The following THSD7A variants were observed in gnomAD, a reference collection of about 807,000 sequenced individuals.
THSD7A encodes thrombospondin type 1 domain containing 7A, also known as thrombospondin type-1 domain-containing protein 7A.
THSD7A carries 96 observed loss-of-function variants against 231.3 expected under a neutral mutation model. That is an observed-to-expected ratio of 0.41 (90% confidence interval 0.35 to 0.49). THSD7A has a LOEUF of 0.49. Ranked by LOEUF, THSD7A falls within the 20% of genes least tolerant of loss-of-function variation. The pLI is 0.05. For missense variants in THSD7A, 2,290 were observed against 2,070.2 expected (o/e 1.11, Z -2.06); for synonymous variants, 940 against 743.3 (o/e 1.26, Z -4.30).
chr7:11,671,131 C>T (rs909483753), intron 1 of THSD7A, among the ~76,000 whole-genome samples: 6 of 152,164 alleles, frequency 3.9e-5, no homozygotes, highest in Admixed American at 2.0e-4. Flanking sequence ...AATAGACCTT[C>T]AAGGGTAAAC....
chr7:11,573,328 C>G (rs576214654), intron 4 of THSD7A, among the ~76,000 whole-genome samples: 1 of 152,336 alleles, frequency 6.6e-6, no homozygotes, highest in South Asian at 2.1e-4. Flanking sequence ...GGACTCTGTC[C>G]TTTCCCTCCA....
chr7:11,773,081 G>T (rs1407323257), intron 1 of THSD7A, among the ~76,000 whole-genome samples: 3 of 152,086 alleles, frequency 2.0e-5, no homozygotes, highest in Non-Finnish European at 4.4e-5. Context: ...TAAGAATTTG[G>T]TATATAATAA....
chr7:11,492,097 T>C (rs1219409627), intron 6 of THSD7A, among the ~76,000 whole-genome samples: 1 of 152,064 alleles, frequency 6.6e-6, no homozygotes, highest in Non-Finnish European at 1.5e-5. Flanking sequence ...TGTTGTGTTT[T>C]AGAGACATTC....
intron 1 of THSD7A, among the ~76,000 whole-genome samples, chr7:11,755,133 G>A (rs375141189): frequency 1.3e-5 from 2 of 151,950 alleles, no homozygotes; most frequent in Non-Finnish European, 2.9e-5. Context: ...TGGTCTCTAG[G>A]GGGCGGAGGA....
At chr7:11,455,182 T>C (rs1052799446) in intron 11 of THSD7A, among the ~76,000 whole-genome samples, 3 of 152,040 alleles carry the variant, frequency 2.0e-5, no homozygotes, top group Non-Finnish European at 4.4e-5. Context: ...GATGACTGTC[T>C]GCAAGTCAGG....
rs572493535 is a variant in THSD7A, at chr7:11,460,720, G to T, written c.2547C>A (p.Ser849Arg). ...GTGCTCCAGGGCTGTCTTGTTGCAC[G>T]CTCCAAGGGACTAATTGGCATCTGC... ...KWRRCQLVPWSVQQDSPGAQE... is the reference protein window; with the variant it reads ...KWRRCQLVPWRVQQDSPGAQE... The change falls in exon 11 of 28, where the codon AGC (serine) becomes AGA (arginine). Residue 849 changes from serine (S) to arginine (R), a missense_variant. By Grantham distance (110) the Ser-to-Arg change is moderately radical. Transcript: ENST00000423059. 84 of 1,612,540 alleles carry T rather than the reference G, an allele frequency of 5.2e-5. No homozygotes were observed. Among genetic ancestry groups the T allele is most frequent in the Non-Finnish European group, 5.1e-6 (6 of 1,179,350 alleles).
At chr7:11,403,548 T>C (rs1330077555) in intron 22 of THSD7A, among the ~76,000 whole-genome samples, 1 of 152,172 alleles carries the variant, frequency 6.6e-6, no homozygotes, top group Non-Finnish European at 1.5e-5. Flanking sequence ...ACTGCTAAAG[T>C]TAAAAAAATT....
At chr7:11,488,010 C>G (rs1786732094) in intron 6 of THSD7A, among the ~76,000 whole-genome samples, 1 of 151,972 alleles carries the variant, frequency 6.6e-6, no homozygotes, top group South Asian at 2.1e-4. Flanking sequence ...CAAAGCACCT[C>G]CCCTGTAAAA....
Position 11,490,950 on chromosome 7 carries a change from C to T in THSD7A, c.1823-8968G>A, listed in dbSNP as rs553219883. ...TGTTCAATATGACAGCAGCATGAGG[C>T]TATTTTCATCACTCATCTGTGGAGG... is the stretch of plus-strand genomic sequence containing the variant. On this transcript the variant is annotated intron_variant, in intron 6 of 27. Coordinates refer to ENST00000423059, the MANE Select transcript of THSD7A (RefSeq NM_015204.3). Among the ~76,000 whole-genome samples the T allele has an allele frequency of 1.6e-4, 24 of 152,194 alleles. No individual in the cohort carries two copies. In the South Asian group the frequency reaches 3.1e-3, roughly 20 times the overall value.
chr7:11,545,154 A>G (rs6460821), intron 4 of THSD7A, among the ~76,000 whole-genome samples: 26 of 152,026 alleles, frequency 1.7e-4, no homozygotes, highest in Non-Finnish European at 2.9e-4. Context: ...GCAAATTAAC[A>G]TAAGTAATGA....
chr7:11,710,548 C>T (rs1447241719), intron 1 of THSD7A, among the ~76,000 whole-genome samples: 2 of 150,776 alleles, frequency 1.3e-5, no homozygotes, highest in Non-Finnish European at 3.0e-5. Context: ...GCCATAAAAG[C>T]CAGGGTATAT....
At chr7:11,724,131 A>C (rs1261503611) in intron 1 of THSD7A, among the ~76,000 whole-genome samples, 1 of 152,118 alleles carries the variant, frequency 6.6e-6, no homozygotes, top group East Asian at 2.0e-4. Flanking sequence ...AAAAGAATAT[A>C]TGTGGGATAT....
At chr7:11,497,872 T>C (rs1270915770) in intron 6 of THSD7A, among the ~76,000 whole-genome samples, 1 of 151,858 alleles carries the variant, frequency 6.6e-6, no homozygotes, top group Non-Finnish European at 1.5e-5. Context: ...CAGGGGACCA[T>C]CCCCTGCCCA....
intron 1 of THSD7A, among the ~76,000 whole-genome samples, chr7:11,717,424 T>C (rs1040717977): frequency 4.6e-5 from 7 of 151,708 alleles, no homozygotes; most frequent in African/African-American, 1.4e-4. Flanking sequence ...AGTGCATTCC[T>C]ACCTCTCCTC....
At chr7:11,420,783 C>A (rs956950360) in intron 16 of THSD7A, among the ~76,000 whole-genome samples, 7 of 152,230 alleles carry the variant, frequency 4.6e-5, no homozygotes. Flanking sequence ...CTGTACCCTG[C>A]AGAGCCACAG....
chr7:11,703,351 T>C lies in THSD7A; in HGVS notation c.191-66390A>G, dbSNP rs558010487. Among the ~76,000 whole-genome samples, 3 of 151,406 alleles carry C rather than the reference T, an allele frequency of 2.0e-5. No homozygotes were observed. In the East Asian group the frequency reaches 5.9e-4, roughly 30 times the overall value. ...CAAACTGTGCTTGTTATTTATTATT[T>C]CTTCTTTGCAGTTTGGGAATCTGAG... is the stretch of plus-strand genomic sequence containing the variant. On this transcript the variant is annotated intron_variant, in intron 1 of 27. Coordinates refer to ENST00000423059, the MANE Select transcript of THSD7A (RefSeq NM_015204.3).
intron 26 of THSD7A, 30 bp from the exon 27 acceptor site, chr7:11,376,687 T>C: frequency 6.6e-7 from 1 of 1,505,690 alleles, no homozygotes; most frequent in African/African-American, 1.4e-5. Flanking sequence ...GTTATTAATT[T>C]ACATTAGTCT....
chr7:11,393,579 C>T lies in THSD7A; in HGVS notation c.4411+8216G>A, dbSNP rs371110491. On this transcript the variant is annotated intron_variant, in intron 23 of 27. Transcript: ENST00000423059. Reference sequence around the variant, plus strand: ...CAAACTCCTCTGAGCTAAAGGAACACGTTCTAACAAACAGAATGCAGGGAA... The same window carrying T: ...CAAACTCCTCTGAGCTAAAGGAACATGTTCTAACAAACAGAATGCAGGGAA... Among the ~76,000 whole-genome samples, 330 of 152,220 alleles carry T rather than the reference C, an allele frequency of 2.2e-3. 2 individuals carry two copies. The highest frequency in any genetic ancestry group is 0.011 in the South Asian group (55 of 4,824).
intron 6 of THSD7A, among the ~76,000 whole-genome samples, chr7:11,495,167 A>G (rs570758903): frequency 6.6e-6 from 1 of 152,210 alleles, no homozygotes; most frequent in African/African-American, 2.4e-5. Context: ...AAAAGTTTAA[A>G]AAGTCTAGCT....
Sources: allele counts gnomAD v4.1 joint callset (sites outside exome capture counted in the v4.1 genomes callset), GRCh38; gene constraint gnomAD v4.1.1; transcripts MANE v1.5; gene names NCBI Gene and HGNC (gene_info 2026-07-23, HGNC 2026-07-21).